Variants in KCNJ10 observed in about 807,000 individuals in gnomAD.
The protein encoded by KCNJ10 is potassium inwardly rectifying channel subfamily J member 10, also known as ATP-sensitive inward rectifier potassium channel 10.
A neutral mutation model predicts 22.2 loss-of-function variants in KCNJ10; 9 were observed. The observed-to-expected ratio is 0.40, with a 90% CI of 0.24 to 0.71. KCNJ10 has a LOEUF of 0.71. Ranked by LOEUF, KCNJ10 falls within the 30% of genes least tolerant of loss-of-function variation. The pLI is 0.35. For synonymous variants in KCNJ10, 184 were observed against 187.3 expected (o/e 0.98, Z 0.15); for missense variants, 337 against 482.7 (o/e 0.70, Z 2.83).
rs770189770 is a variant in KCNJ10, at chr1:160,040,132, T to C, written c.*1261A>G. ...GGTATAATTTCATTTCCTTCCAGCATTGCCTAATGAAATAGCTGGCACTTT... is the reference window on the plus strand; with the variant it reads ...GGTATAATTTCATTTCCTTCCAGCACTGCCTAATGAAATAGCTGGCACTTT... On this transcript the variant is annotated 3_prime_UTR_variant, in exon 2 of 2. Transcript: ENST00000644903. The C allele has an allele frequency of 5.7e-5, 10 of 174,782 alleles. No individual in the cohort carries two copies. Among genetic ancestry groups the C allele is most frequent in the Non-Finnish European group, 1.1e-4 (9 of 83,372 alleles). The allele number at this position is 174,782 out of a possible 1,614,324, so 10.8% of individuals were successfully genotyped here.
At chr1:160,060,089 C>A (rs896816044) in intron 1 of KCNJ10, among the ~76,000 whole-genome samples, 9 of 152,092 alleles carry the variant, frequency 5.9e-5, no homozygotes, top group Non-Finnish European at 1.3e-4. Context: ...GCCTCTGACC[C>A]TCACTCAGAG....
At chr1:160,051,189 TG>T (rs1336089976) in intron 1 of KCNJ10, among the ~76,000 whole-genome samples, 1 of 152,036 alleles carries the variant, frequency 6.6e-6, no homozygotes, top group African/African-American at 2.4e-5. Context: ...CCCAAAGTGC[TG>T]GGATTACAGG....
intron 1 of KCNJ10, among the ~76,000 whole-genome samples, chr1:160,062,216 C>T (rs1487153980): frequency 2.0e-5 from 3 of 152,042 alleles, no homozygotes; most frequent in Admixed American, 6.5e-5. Flanking sequence ...TGGCCCAGGG[C>T]CCACTCCCCC....
In KCNJ10 at chr1:160,043,272, AACACACAC is replaced by A. The variant is rs779402094; in HGVS notation, c.1-748_1-741del. Among the ~76,000 whole-genome samples the A allele has an allele frequency of 5.5e-4, 73 of 132,744 alleles. 1 individual carries two copies. Among genetic ancestry groups the A allele is most frequent in the Non-Finnish European group, 7.1e-4 (45 of 63,638 alleles). 87.1% of individuals were successfully genotyped at this position (132,744 alleles called of 152,430 possible). A position where few individuals can be genotyped will look rare whatever the true frequency, so the allele number is the denominator to read the frequency against. On this transcript the variant is annotated intron_variant, in intron 1 of 1. Coordinates refer to ENST00000644903, the MANE Select transcript of KCNJ10 (RefSeq NM_002241.5). ...ATCCTTCCAGGCCAATCCCCCTTAA[AACACACAC>A]ACACACACACACACACACACACACA...
At chr1:160,043,800 T>C (rs1648674587) in intron 1 of KCNJ10, among the ~76,000 whole-genome samples, 1 of 152,242 alleles carries the variant, frequency 6.6e-6, no homozygotes, top group Non-Finnish European at 1.5e-5. Flanking sequence ...TAGGAGACAA[T>C]TCACTTAATA....
intron 1 of KCNJ10, among the ~76,000 whole-genome samples, chr1:160,051,627 G>A (rs1340136943): frequency 6.6e-6 from 1 of 152,082 alleles, no homozygotes; most frequent in African/African-American, 2.4e-5. Flanking sequence ...GAGGTTAGCA[G>A]GAGCCAGACA....
chr1:160,047,426 G>T (rs1279781632), intron 1 of KCNJ10, among the ~76,000 whole-genome samples: 2 of 152,138 alleles, frequency 1.3e-5, no homozygotes, highest in African/African-American at 4.8e-5. Flanking sequence ...TAGCCTCTCA[G>T]CACACCATTC....
rs137853070 is a variant in KCNJ10, at chr1:160,042,033, G to A, written c.500C>T (p.Ala167Val). Residue 167 changes from alanine (A) to valine (V), a missense_variant, in exon 2 of 2, where the codon GCG becomes GTG. By Grantham distance (64) the Ala-to-Val change is moderately conservative. Transcript: ENST00000644903. ...CCGCTTCTTGGGCCGGGCAATCTTC[G>A]CCAGGAAGGTACCTGTGATGAAGAT... ...LEIFITGTFLAKIARPKKRAE... is the reference protein window; with the variant it reads ...LEIFITGTFLVKIARPKKRAE... The A allele has an allele frequency of 1.7e-5, 27 of 1,560,654 alleles. No homozygotes were observed. The highest frequency in any genetic ancestry group is 2.2e-5 in the East Asian group (1 of 44,468).
In KCNJ10 at chr1:160,041,482, C is replaced by T. The variant is rs373899425; in HGVS notation, c.1051G>A (p.Asp351Asn). 120 of 1,614,048 alleles carry T rather than the reference C, an allele frequency of 7.4e-5. 1 individual carries two copies. The South Asian group carries it at 9.0e-4, about 12-fold the overall frequency. Residue 351 changes from aspartate (D) to asparagine (N), a missense_variant, in exon 2 of 2, where the codon GAC becomes AAC. Coordinates refer to ENST00000644903, the MANE Select transcript of KCNJ10 (RefSeq NM_002241.5). The surrounding 1 kb of genome is among the most constrained non-coding windows in gnomAD (Gnocchi z 4.4). ...TCCTCCAACTTGAGCTTTTCAGGGTCTCCGTAGCGTACAGTGCTGTCACGG... is the reference window on the plus strand; with the variant it reads ...TCCTCCAACTTGAGCTTTTCAGGGTTTCCGTAGCGTACAGTGCTGTCACGG... The part of the protein sequence containing the change: ...GLRDSTVRYG[D>N]PEKLKLEESL...
chr1:160,050,603 G>C (rs1194224705), intron 1 of KCNJ10, among the ~76,000 whole-genome samples: 1 of 152,176 alleles, frequency 6.6e-6, no homozygotes, highest in Non-Finnish European at 1.5e-5. Context: ...AAAGGCATCA[G>C]TGAAGTACAA....
At chr1:160,063,851 A>G (rs532635822) in intron 1 of KCNJ10, among the ~76,000 whole-genome samples, 112 of 152,344 alleles carry the variant, frequency 7.4e-4, no homozygotes, top group Non-Finnish European at 1.3e-3. Flanking sequence ...AGGCTCCGGA[A>G]TTTAATGAGA....
intron 1 of KCNJ10, among the ~76,000 whole-genome samples, chr1:160,067,734 A>G (rs1387979563): frequency 6.6e-6 from 1 of 152,120 alleles, no homozygotes; most frequent in East Asian, 1.9e-4. Context: ...CCTCCCCACC[A>G]ATGCCAGGAG....
Position 160,067,066 on chromosome 1 carries a change from C to T in KCNJ10, c.-1+2956G>A, listed in dbSNP as rs150023589. ...TTTCTGTGCTGCACCTTGTTGGAGGCTTGAGGTCTGATTCAGTCCTCTTCT... is the reference window on the plus strand; with the variant it reads ...TTTCTGTGCTGCACCTTGTTGGAGGTTTGAGGTCTGATTCAGTCCTCTTCT... On this transcript the variant is annotated intron_variant, in intron 1 of 1. Transcript: ENST00000644903. Among the ~76,000 whole-genome samples the T allele has an allele frequency of 3.4e-3, 524 of 152,276 alleles. 3 individuals carry two copies. Among genetic ancestry groups the T allele is most frequent in the Middle Eastern group, 0.014 (4 of 292 alleles).
intron 1 of KCNJ10, among the ~76,000 whole-genome samples, chr1:160,043,364 G>A (rs191273911): frequency 2.1e-4 from 32 of 150,962 alleles, no homozygotes; most frequent in African/African-American, 7.1e-4. Flanking sequence ...ATACCCACTG[G>A]TGATACTAAG....
At chr1:160,051,291 T>C (rs2101929602) in intron 1 of KCNJ10, among the ~76,000 whole-genome samples, 1 of 152,298 alleles carries the variant, frequency 6.6e-6, no homozygotes, top group South Asian at 2.1e-4. Context: ...GTATTTCCTC[T>C]TGCAAATGTT....
At chr1:160,045,799 T>C (rs1182074917) in intron 1 of KCNJ10, among the ~76,000 whole-genome samples, 1 of 152,228 alleles carries the variant, frequency 6.6e-6, no homozygotes, top group Non-Finnish European at 1.5e-5. Flanking sequence ...ATCAGAAAGA[T>C]ATAATGAATG....
intron 1 of KCNJ10, among the ~76,000 whole-genome samples, chr1:160,050,366 C>G (rs1013639446): frequency 6.6e-6 from 1 of 151,620 alleles, no homozygotes; most frequent in Non-Finnish European, 1.5e-5. Context: ...CTCCTGGGCT[C>G]AAGCCATCCT....
intron 1 of KCNJ10, among the ~76,000 whole-genome samples, chr1:160,046,674 C>A (rs12133079): frequency 0.13 from 19,236 of 152,136 alleles, 1,702 homozygotes; most frequent in Non-Finnish European, 0.19. Context: ...AGCTGTTGTG[C>A]CACCTCCCAC....
chr1:160,049,508 T>G (rs557185033), intron 1 of KCNJ10, among the ~76,000 whole-genome samples: 1 of 151,658 alleles, frequency 6.6e-6, no homozygotes, highest in Non-Finnish European at 1.5e-5. Context: ...CCATGAAGCC[T>G]TCTCTGATTC....
Sources: allele counts gnomAD v4.1 joint callset (sites outside exome capture counted in the v4.1 genomes callset), GRCh38; gene constraint gnomAD v4.1.1; non-coding constraint Gnocchi (gnomAD v3.1); transcripts MANE v1.5; gene names NCBI Gene and HGNC (gene_info 2026-07-23, HGNC 2026-07-21).